The following WDR45B variants were observed in gnomAD, a reference collection of about 807,000 sequenced individuals.
The protein encoded by WDR45B is WD repeat domain 45B.
In WDR45B, 20 loss-of-function variants were observed where a neutral mutation model predicts 44.6. That is an observed-to-expected ratio of 0.45 (90% CI 0.32 to 0.65). The LOEUF (loss-of-function observed/expected upper bound fraction) is 0.65. Ranked by LOEUF, WDR45B falls within the 30% of genes least tolerant of loss-of-function variation. The pLI, the probability that WDR45B is intolerant of heterozygous loss-of-function variation, is 0.05. For synonymous variants in WDR45B, 169 were observed against 164.9 expected (o/e 1.02, Z -0.19); for missense variants, 323 against 430.2 (o/e 0.75, Z 2.20).
chr17:82,616,151 GC>G, intron 9 of WDR45B, 126 bp from the exon 10 acceptor site: 1 of 930,212 alleles, frequency 1.1e-6, no homozygotes, highest in Non-Finnish European at 1.7e-6. Flanking sequence ...GCCCTGAAAG[GC>G]CCCAGGGTCC....
In WDR45B at chr17:82,624,324, C is replaced by T. The variant is rs142116968; in HGVS notation, c.427+1065G>A. ...TCGCCCAGGCGGGAGTGCAGTGGCA[C>T]AATCTCGGCTCACCGCAAGCTCCGC... On this transcript the variant is annotated intron_variant, in intron 5 of 9. Transcript: ENST00000392325. Among the ~76,000 whole-genome samples, 759 of 149,210 alleles carry T rather than the reference C, an allele frequency of 5.1e-3. 10 individuals are homozygous for T. Among genetic ancestry groups the T allele is most frequent in the Non-Finnish European group, 9.0e-3 (607 of 67,432 alleles).
intron 5 of WDR45B, among the ~76,000 whole-genome samples, chr17:82,624,865 G>A (rs567767732): frequency 1.3e-5 from 2 of 151,724 alleles, no homozygotes; most frequent in Admixed American, 6.6e-5. Context: ...TGATCCGCCC[G>A]CCTCGGCCTC....
chr17:82,630,869 A>C, intron 3 of WDR45B, 52 bp downstream of exon 3: 1 of 1,538,402 alleles, frequency 6.5e-7, no homozygotes, highest in Non-Finnish European at 9.0e-7. Context: ...CATTCAAAAA[A>C]AGACTGGGTG....
intron 2 of WDR45B, among the ~76,000 whole-genome samples, chr17:82,637,645 C>T (rs915374665): frequency 5.9e-5 from 9 of 152,020 alleles, no homozygotes; most frequent in Non-Finnish European, 1.2e-4. Context: ...TTTGCTGGCA[C>T]GGCTCACCGA....
chr17:82,625,139 G>A (rs1451559155), intron 5 of WDR45B, among the ~76,000 whole-genome samples: 1 of 152,144 alleles, frequency 6.6e-6, no homozygotes, highest in African/African-American at 2.4e-5. Flanking sequence ...CACTGTGGAG[G>A]TTCTGAGAGC....
At chr17:82,633,668 G>A (rs560613315) in intron 2 of WDR45B, among the ~76,000 whole-genome samples, 3 of 152,230 alleles carry the variant, frequency 2.0e-5, no homozygotes, top group South Asian at 2.1e-4. Context: ...GAACTCTCAT[G>A]CACTGTCTGA....
rs1161684700 is a variant in WDR45B at position 82,614,817 on chromosome 17, C to G, written c.*1102G>C. ...ATCAAAACCATAAAATAGAGTTTAA[C>G]GGGAATTTAAGAAAATTAAATATAT... On this transcript the variant is annotated 3_prime_UTR_variant, in exon 10 of 10. Coordinates refer to ENST00000392325, the MANE Select transcript of WDR45B (RefSeq NM_019613.4). 2 of 152,064 alleles carry G rather than the reference C, an allele frequency of 1.3e-5. No individual in the cohort carries two copies. Among genetic ancestry groups the G allele is most frequent in the East Asian group, 3.9e-4 (2 of 5,194 alleles). The allele number at this position is 152,064 out of a possible 1,614,324, so 9.4% of individuals were successfully genotyped here.
At chr17:82,644,191 C>T in intron 1 of WDR45B, 168 bp from the exon 2 acceptor site, 1 of 698,382 alleles carries the variant, frequency 1.4e-6, no homozygotes. Flanking sequence ...TACTAAGTGA[C>T]AAGCACATCC....
intron 5 of WDR45B, among the ~76,000 whole-genome samples, chr17:82,624,954 A>T (rs2143286829): frequency 6.6e-6 from 1 of 152,248 alleles, no homozygotes. Context: ...GTTTTTTGTA[A>T]ATTTTACCCT....
intron 3 of WDR45B, among the ~76,000 whole-genome samples, 174 bp from the exon 4 acceptor site, chr17:82,627,465 C>T (rs1299909281): frequency 6.6e-6 from 1 of 152,228 alleles, no homozygotes; most frequent in Non-Finnish European, 1.5e-5. Flanking sequence ...TAACTCAAAC[C>T]GTGAGCTGTG....
At chr17:82,626,027 C>T (rs1340199754) in intron 4 of WDR45B, 2 of 167,684 alleles carry the variant, frequency 1.2e-5, no homozygotes, top group South Asian at 1.4e-4. Context: ...GGATTACAGG[C>T]GTGCACCACC....
Position 82,615,885 on chromosome 17 carries a change from C to T in WDR45B, c.*34G>A, listed in dbSNP as rs1280454293. On this transcript the variant is annotated 3_prime_UTR_variant, in exon 10 of 10. Coordinates refer to ENST00000392325, the MANE Select transcript of WDR45B (RefSeq NM_019613.4). Reference sequence around the variant, plus strand: ...ACCAGCCCCGAGAGTCTGAAGGCGGCAGGTGGTGGGTGCTGTGGCGCCCCC... The same window carrying T: ...ACCAGCCCCGAGAGTCTGAAGGCGGTAGGTGGTGGGTGCTGTGGCGCCCCC... 1 of 1,596,290 alleles carries T rather than the reference C, an allele frequency of 6.3e-7. No homozygotes were observed. Among genetic ancestry groups the T allele is most frequent in the Non-Finnish European group, 8.6e-7 (1 of 1,164,906 alleles).
At chr17:82,632,385 G>A (rs1018778609) in intron 2 of WDR45B, among the ~76,000 whole-genome samples, 2 of 152,166 alleles carry the variant, frequency 1.3e-5, no homozygotes, top group East Asian at 1.9e-4. Flanking sequence ...CAGGCTGGTC[G>A]TGAACTCCTG....
At chr17:82,616,782 A>G in intron 8 of WDR45B, 137 bp from the exon 9 acceptor site, 1 of 1,149,358 alleles carries the variant, frequency 8.7e-7, no homozygotes, top group Non-Finnish European at 1.3e-6. Flanking sequence ...TTTTTTTGCC[A>G]TGCATGACAA....
chr17:82,638,947 C>A (rs555116260), intron 2 of WDR45B, among the ~76,000 whole-genome samples: 1 of 151,934 alleles, frequency 6.6e-6, no homozygotes, highest in Non-Finnish European at 1.5e-5. Context: ...CTCAGCCTTC[C>A]AAGTAGCTGG....
chr17:82,616,466 A>C, intron 9 of WDR45B, 58 bp downstream of exon 9: 6 of 1,611,744 alleles, frequency 3.7e-6, no homozygotes, highest in Non-Finnish European at 5.1e-6. Flanking sequence ...TCTGACGCTC[A>C]GTGGATGGAG....
chr17:82,621,461 G>A, intron 6 of WDR45B, 148 bp downstream of exon 6: 3 of 958,742 alleles, frequency 3.1e-6, no homozygotes, highest in Admixed American at 2.0e-5. Flanking sequence ...CCTGTCTGAT[G>A]ACATGACCAG....
At chr17:82,640,969 G>GTTTTT (rs398031785) in intron 2 of WDR45B, among the ~76,000 whole-genome samples, 60,009 of 131,210 alleles carry the variant, frequency 0.46, 15,485 homozygotes, top group African/African-American at 0.65. Flanking sequence ...TCTTGTCTGG[G>GTTTTT]TTTTTTTTTT....
chr17:82,648,200 G>A, intron 1 of WDR45B, 74 bp downstream of exon 1: 2 of 1,520,412 alleles, frequency 1.3e-6, no homozygotes, highest in South Asian at 2.4e-5. Flanking sequence ...GCGCCCAGGA[G>A]AGGCCTGAGA....
Sources: allele counts gnomAD v4.1 joint callset (sites outside exome capture counted in the v4.1 genomes callset), GRCh38; gene constraint gnomAD v4.1.1; transcripts MANE v1.5; gene names NCBI Gene and HGNC (gene_info 2026-07-23, HGNC 2026-07-21).